IL12B: variants seen among roughly 807,000 people sequenced by gnomAD.
IL12B encodes the protein interleukin-12 subunit beta.
IL12B carries 27 observed loss-of-function variants against 39.2 expected under a neutral mutation model. The ratio of observed to expected loss-of-function variants is 0.69; its 90% confidence interval spans 0.51 to 0.95. IL12B has a LOEUF of 0.95. IL12B is among the 40% of genes least tolerant of loss of function. IL12B has a pLI of 0.00. For synonymous variants in IL12B, 142 were observed against 152.1 expected (o/e 0.93, Z 0.49); for missense variants, 351 against 397.6 (o/e 0.88, Z 1.00).
intron 4 of IL12B, 44 bp downstream of exon 4, chr5:159,322,350 A>C: frequency 1.7e-6 from 2 of 1,205,728 alleles, no homozygotes; most frequent in Non-Finnish European, 2.5e-6. Flanking sequence ...TCTTAATGAA[A>C]TAGTTCTAGA....
At chr5:159,327,514 G>C in intron 1 of IL12B, among the ~76,000 whole-genome samples, 1 of 152,166 alleles carries the variant, frequency 6.6e-6, no homozygotes, top group Non-Finnish European at 1.5e-5. Context: ...CTCCCATATA[G>C]AGAACCTAGT....
chr5:159,324,022 C>A (rs953838381), intron 2 of IL12B, among the ~76,000 whole-genome samples: 2 of 152,020 alleles, frequency 1.3e-5, no homozygotes, highest in Admixed American at 6.5e-5. Context: ...ACTCTCTTAA[C>A]AATTTTCCAT....
rs777742449 is a variant in IL12B, at chr5:159,320,474, C to A, written c.529G>T (p.Ala177Ser). The A allele has an allele frequency of 2.5e-6, 4 of 1,614,030 alleles. No individual in the cohort carries two copies. In the East Asian group the frequency reaches 8.9e-5, roughly 36 times the overall value. Reference sequence around the variant, plus strand: ...TTGTTGTCCCCTCTGACTCTCTCTGCAGAGAGTGTAGCAGCTCCGCACGTC... The same window carrying A: ...TTGTTGTCCCCTCTGACTCTCTCTGAAGAGAGTGTAGCAGCTCCGCACGTC... Reference protein sequence around the residue: ...GVTCGAATLSAERVRGDNKEY... With the variant: ...GVTCGAATLSSERVRGDNKEY... Residue 177 changes from alanine to serine, a missense_variant, in exon 5 of 8, where the codon GCA becomes TCA. Physicochemically the swap from Ala to Ser is moderately conservative, Grantham distance 99. Coordinates refer to ENST00000231228, the MANE Select transcript of IL12B (RefSeq NM_002187.3).
rs563294089 is a variant in IL12B at position 159,323,279 on chromosome 5, C to A, written c.139G>T (p.Val47Phe). ...TCTTCAGGGGTGTCACAGGTGAGGA[C>A]CACCATTTCTCCAGGGGCATCCGGA... ...WYPDAPGEMV[V>F]LTCDTPEEDG... Residue 47 changes from valine (V) to phenylalanine (F), a missense_variant, in exon 3 of 8, where the codon GTC (valine) becomes TTC (phenylalanine). By Grantham distance (50) the Val-to-Phe change is conservative. Coordinates refer to ENST00000231228, the MANE Select transcript of IL12B (RefSeq NM_002187.3). The A allele has an allele frequency of 5.0e-6, 8 of 1,614,024 alleles. No homozygotes were observed. The South Asian group carries it at 8.8e-5, about 18-fold the overall frequency.
At chr5:159,318,090 G>T in intron 6 of IL12B, 1 of 155,566 alleles carries the variant, frequency 6.4e-6, no homozygotes, top group South Asian at 1.8e-4. Context: ...CACGTAGTGA[G>T]GGCAGTGCTG....
chr5:159,322,709 C>A (rs1754113544), intron 3 of IL12B, among the ~76,000 whole-genome samples, 198 bp from the exon 4 acceptor site: 1 of 152,180 alleles, frequency 6.6e-6, no homozygotes, highest in Non-Finnish European at 1.5e-5. Flanking sequence ...ACATGCCTGG[C>A]AGAGGCATTC....
chr5:159,328,399 G>A (rs1273003647), intron 1 of IL12B, among the ~76,000 whole-genome samples: 1 of 152,186 alleles, frequency 6.6e-6, no homozygotes, highest in Non-Finnish European at 1.5e-5. Context: ...GGAGCAACTT[G>A]TTGGCCAAGT....
Position 159,316,847 on chromosome 5 carries a change from C to T in IL12B, c.856-31G>A, listed in dbSNP as rs760718653. On this transcript the variant is annotated intron_variant, in intron 6 of 7. Coordinates refer to ENST00000231228, the MANE Select transcript of IL12B (RefSeq NM_002187.3). ...AAAGAGAAGGAAAGCTGTGAAGACC[C>T]CTTGGCAACATAGTCACAGGGTAAG... 5.6e-6 allele frequency: 9 copies of T among 1,613,140 alleles called. No homozygotes were observed. The Admixed American group carries it at 8.3e-5, about 15-fold the overall frequency.
At chr5:159,320,562 GA>G (rs1754070285) in intron 4 of IL12B, 42 bp from the exon 5 acceptor site, 1 of 1,517,996 alleles carries the variant, frequency 6.6e-7, no homozygotes, top group South Asian at 1.1e-5. Flanking sequence ...ACACATTGGG[GA>G]GAGAGTTCCT....
intron 2 of IL12B, among the ~76,000 whole-genome samples, chr5:159,326,076 T>A (rs1373197450): frequency 6.6e-6 from 1 of 152,258 alleles, no homozygotes; most frequent in Non-Finnish European, 1.5e-5. Flanking sequence ...TTCACTTTAC[T>A]ATCTGTCGAG....
rs1266733515 is a variant in IL12B at position 159,315,970 on chromosome 5, T to C, written c.*131A>G. 1 of 152,468 alleles carries C rather than the reference T, an allele frequency of 6.6e-6. No individual in the cohort carries two copies. Among genetic ancestry groups the C allele is most frequent in the African/African-American group, 2.4e-5 (1 of 41,420 alleles). The allele number at this position is 152,468 out of a possible 1,614,324, so 9.4% of individuals were successfully genotyped here. On this transcript the variant is annotated 3_prime_UTR_variant, in exon 8 of 8. Coordinates refer to ENST00000231228, the MANE Select transcript of IL12B (RefSeq NM_002187.3). The stretch of plus-strand genomic sequence containing the variant: ...CTATACAAATACAGCAAAGATATCA[T>C]TGTGATCCTAAAAAAACGTTTTAAA...
intron 5 of IL12B, among the ~76,000 whole-genome samples, chr5:159,319,325 T>A (rs1009818363): frequency 6.6e-6 from 1 of 152,234 alleles, no homozygotes; most frequent in Non-Finnish European, 1.5e-5. Flanking sequence ...TTTACTGCCC[T>A]TTCTTTTGTC....
At chr5:159,323,938 T>G (rs771952564) in intron 2 of IL12B, among the ~76,000 whole-genome samples, 2 of 150,374 alleles carry the variant, frequency 1.3e-5, no homozygotes, top group South Asian at 4.2e-4. Flanking sequence ...CTTAGCACAG[T>G]GTCTGCCACA....
chr5:159,328,211 G>A (rs544577352), intron 1 of IL12B, among the ~76,000 whole-genome samples: 1 of 152,312 alleles, frequency 6.6e-6, no homozygotes, highest in East Asian at 1.9e-4. Flanking sequence ...CTTGGACACT[G>A]CTCAGTGCTG....
At chr5:159,321,385 A>G (rs1754089203) in intron 4 of IL12B, among the ~76,000 whole-genome samples, 1 of 146,274 alleles carries the variant, frequency 6.8e-6, no homozygotes, top group Non-Finnish European at 1.5e-5. Context: ...ACACACACAC[A>G]CATATGTATA....
chr5:159,322,413 T>A lies in IL12B; in HGVS notation c.463A>T (p.Ser155Cys), dbSNP rs1416816482. The A allele has an allele frequency of 1.2e-6, 2 of 1,609,500 alleles. No individual in the cohort carries two copies. Among genetic ancestry groups the A allele is most frequent in the East Asian group, 4.5e-5 (2 of 44,866 alleles). ...ACTCACCCTCTGCTGCTTTTGACACTGAATGTCAAATCAGTACTGATTGTC... is the reference window on the plus strand; with the variant it reads ...ACTCACCCTCTGCTGCTTTTGACACAGAATGTCAAATCAGTACTGATTGTC... Reference protein sequence around the residue: ...LTTISTDLTFSVKSSRGSSDP... With the variant: ...LTTISTDLTFCVKSSRGSSDP... The change falls in exon 4 of 8, where the codon AGT (serine) becomes TGT (cysteine). Residue 155 changes from serine to cysteine, a missense_variant. Physicochemically the swap from Ser to Cys is moderately radical, Grantham distance 112. Coordinates refer to ENST00000231228, the MANE Select transcript of IL12B (RefSeq NM_002187.3).
At chr5:159,326,861 T>A in intron 1 of IL12B, 79 bp from the exon 2 acceptor site, 1 of 903,438 alleles carries the variant, frequency 1.1e-6, no homozygotes, top group South Asian at 1.3e-5. Context: ...AGAAAGAATG[T>A]CAATAATTCT....
chr5:159,321,505 T>C (rs1584754201), intron 4 of IL12B, among the ~76,000 whole-genome samples: 1 of 152,104 alleles, frequency 6.6e-6, no homozygotes, highest in East Asian at 1.9e-4. Context: ...AGGATCAAAT[T>C]GTATACATAT....
intron 4 of IL12B, among the ~76,000 whole-genome samples, chr5:159,321,026 G>A (rs1057201736): frequency 1.3e-5 from 2 of 148,490 alleles, no homozygotes; most frequent in African/African-American, 5.0e-5. Context: ...AAGAGACAGG[G>A]TTTTGCTCTG....
Sources: allele counts gnomAD v4.1 joint callset (sites outside exome capture counted in the v4.1 genomes callset), GRCh38; gene constraint gnomAD v4.1.1; transcripts MANE v1.5; gene names NCBI Gene and HGNC (gene_info 2026-07-23, HGNC 2026-07-21).